PACRG: variants seen among roughly 807,000 people sequenced by gnomAD.
The protein encoded by PACRG is parkin coregulated.
In PACRG, 29 loss-of-function variants were observed where a neutral mutation model predicts 29.7. The observed-to-expected ratio is 0.98, with a 90% CI of 0.73 to 1.33. The LOEUF is 1.33. Ranked by LOEUF, PACRG falls within the 40% of genes most tolerant of loss-of-function variation. The pLI is 0.00. For missense variants in PACRG, 279 were observed against 316.2 expected, an observed-to-expected ratio of 0.88 and a Z score of 0.89; for synonymous variants, 116 against 118.7, an observed-to-expected ratio of 0.98 and a Z score of 0.15.
chr6:162,946,179 A>G (rs1298848751), intron 2 of PACRG, among the ~76,000 whole-genome samples: 1 of 152,064 alleles, frequency 6.6e-6, no homozygotes, highest in African/African-American at 2.4e-5. Flanking sequence ...TAAATAAAAT[A>G]GAGACAAAAA....
chr6:163,077,394 C>T (rs78134266), intron 3 of PACRG, among the ~76,000 whole-genome samples: 1,646 of 152,128 alleles, frequency 0.011, 31 homozygotes, highest in African/African-American at 0.038. Flanking sequence ...TGAGGTCATC[C>T]GGCAGTAAAG....
chr6:162,739,694 TA>T (rs1313582467), intron 1 of PACRG, among the ~76,000 whole-genome samples: 1 of 151,928 alleles, frequency 6.6e-6, no homozygotes, highest in Admixed American at 6.6e-5. Flanking sequence ...TACAAAAAAT[TA>T]GCTGCATGTG....
chr6:162,913,778 C>A (rs983182149), intron 2 of PACRG, among the ~76,000 whole-genome samples: 1 of 152,174 alleles, frequency 6.6e-6, no homozygotes, highest in Non-Finnish European at 1.5e-5. Flanking sequence ...AGTGACTGAG[C>A]ATGTCCTTGA....
intron 2 of PACRG, among the ~76,000 whole-genome samples, chr6:162,957,979 G>A (rs7770196): frequency 0.16 from 23,665 of 152,030 alleles, 3,233 homozygotes; most frequent in African/African-American, 0.36. Context: ...ATGTTTAAAG[G>A]TATTAACATT....
chr6:162,813,904 A>G (rs917593263), intron 1 of PACRG, among the ~76,000 whole-genome samples: 6 of 152,148 alleles, frequency 3.9e-5, no homozygotes, highest in African/African-American at 1.4e-4. Context: ...TTTAAGAGAC[A>G]TTTTCTAGGA....
intron 1 of PACRG, among the ~76,000 whole-genome samples, chr6:162,755,188 T>TC (rs1319765293): frequency 6.6e-6 from 1 of 152,138 alleles, no homozygotes; most frequent in Non-Finnish European, 1.5e-5. Context: ...TTCTTTTTTT[T>TC]CTAATTCATC....
intron 4 of PACRG, among the ~76,000 whole-genome samples, chr6:163,260,334 G>A (rs1211725131): frequency 6.6e-6 from 1 of 151,808 alleles, no homozygotes; most frequent in East Asian, 2.0e-4. Context: ...GGTCCAAATT[G>A]GTTTGGTCTC....
intron 4 of PACRG, among the ~76,000 whole-genome samples, chr6:163,206,869 C>A (rs1780924441): frequency 6.6e-6 from 1 of 152,022 alleles, no homozygotes; most frequent in South Asian, 2.1e-4. Context: ...AAAATTAACA[C>A]TCAACTCAGG....
At chr6:163,131,713 C>T (rs1253593612) in intron 4 of PACRG, among the ~76,000 whole-genome samples, 1 of 152,138 alleles carries the variant, frequency 6.6e-6, no homozygotes, top group Non-Finnish European at 1.5e-5. Context: ...CTACCTCCCT[C>T]ACCACCGAAG....
At chr6:162,749,320 GA>G (rs1781336820) in intron 1 of PACRG, among the ~76,000 whole-genome samples, 1 of 152,144 alleles carries the variant, frequency 6.6e-6, no homozygotes, top group African/African-American at 2.4e-5. Flanking sequence ...AAGAAGGTGA[GA>G]GGATCAAAAC....
At chr6:162,830,688 G>C (rs1197182946) in intron 2 of PACRG, among the ~76,000 whole-genome samples, 1 of 152,222 alleles carries the variant, frequency 6.6e-6, no homozygotes, top group African/African-American at 2.4e-5. Flanking sequence ...TGATCTAGTT[G>C]AAAGTGTGCA....
intron 1 of PACRG, among the ~76,000 whole-genome samples, chr6:162,758,557 G>T (rs1178937706): frequency 6.6e-6 from 1 of 152,130 alleles, no homozygotes; most frequent in Non-Finnish European, 1.5e-5. Flanking sequence ...GATAATATGG[G>T]TTTGTTGTGC....
intron 2 of PACRG, among the ~76,000 whole-genome samples, chr6:162,985,362 C>T (rs1802798930): frequency 6.6e-6 from 1 of 152,016 alleles, no homozygotes; most frequent in African/African-American, 2.4e-5. Flanking sequence ...CCACCATGAT[C>T]AAGTGGGTTC....
At chr6:162,871,208 A>G (rs1584603768) in intron 2 of PACRG, among the ~76,000 whole-genome samples, 1 of 152,202 alleles carries the variant, frequency 6.6e-6, no homozygotes, top group South Asian at 2.1e-4. Context: ...GTATGCAATC[A>G]TACTTTTGTA....
intron 2 of PACRG, among the ~76,000 whole-genome samples, chr6:162,870,252 G>A (rs559323448): frequency 5.3e-5 from 8 of 152,152 alleles, no homozygotes; most frequent in South Asian, 2.1e-4. Flanking sequence ...ATTACCAAGC[G>A]TTCAATGAAG....
intron 1 of PACRG, among the ~76,000 whole-genome samples, chr6:162,738,777 T>C (rs1054797675): frequency 1.3e-5 from 2 of 152,342 alleles, no homozygotes; most frequent in East Asian, 3.9e-4. Context: ...GTAAACATTA[T>C]TTTCCCCATA....
intron 2 of PACRG, among the ~76,000 whole-genome samples, chr6:162,864,715 C>T (rs1010193559): frequency 3.5e-4 from 53 of 152,296 alleles, no homozygotes; most frequent in African/African-American, 1.2e-3. Context: ...TGACATTTAA[C>T]TCCAAGAATA....
chr6:162,788,653 C>G (rs776541093), intron 1 of PACRG, among the ~76,000 whole-genome samples: 3 of 152,170 alleles, frequency 2.0e-5, no homozygotes, highest in Non-Finnish European at 4.4e-5. Context: ...TCCTGTTGCT[C>G]CATATCTTCT....
At chr6:162,904,423 C>T (rs1236026712) in intron 2 of PACRG, among the ~76,000 whole-genome samples, 1 of 152,124 alleles carries the variant, frequency 6.6e-6, no homozygotes, top group African/African-American at 2.4e-5. Flanking sequence ...GAAGGGCCTG[C>T]TAGAGAATGC....
Sources: allele counts gnomAD v4.1 joint callset (sites outside exome capture counted in the v4.1 genomes callset), GRCh38; gene constraint gnomAD v4.1.1; transcripts MANE v1.5; gene names NCBI Gene and HGNC (gene_info 2026-07-23, HGNC 2026-07-21).